DAPK2: variants seen among roughly 807,000 people sequenced by gnomAD.
DAPK2 encodes death associated protein kinase 2.
In DAPK2, 35 loss-of-function variants were observed where a neutral mutation model predicts 44.1. That is an observed-to-expected ratio of 0.79 (90% confidence interval 0.61 to 1.05). DAPK2 has a LOEUF of 1.05. Ranked by LOEUF, DAPK2 falls within the 50% of genes least tolerant of loss-of-function variation. The pLI, the probability that DAPK2 is intolerant of heterozygous loss-of-function variation, is 0.00. For synonymous variants in DAPK2, 174 were observed against 182.6 expected, an observed-to-expected ratio of 0.95 and a Z score of 0.38; for missense variants, 453 against 483.2, an observed-to-expected ratio of 0.94 and a Z score of 0.59.
intron 1 of DAPK2, among the ~76,000 whole-genome samples, chr15:64,038,321 G>C (rs1343415515): frequency 6.6e-6 from 1 of 152,230 alleles, no homozygotes; most frequent in African/African-American, 2.4e-5. Context: ...ACATGGCCAA[G>C]TGAGGGCACT....
At chr15:63,937,135 C>T (rs1447843789) in intron 4 of DAPK2, among the ~76,000 whole-genome samples, 2 of 152,114 alleles carry the variant, frequency 1.3e-5, no homozygotes, top group Non-Finnish European at 2.9e-5. Context: ...ATGGTTATAA[C>T]CTGTTTCTCA....
At chr15:64,037,293 C>T (rs895582397) in intron 1 of DAPK2, among the ~76,000 whole-genome samples, 3 of 152,214 alleles carry the variant, frequency 2.0e-5, no homozygotes, top group Admixed American at 1.3e-4. Flanking sequence ...GGCACTTCCC[C>T]ACTTCAGGGC....
intron 3 of DAPK2, chr15:63,942,187 T>C: frequency 1.0e-6 from 1 of 984,376 alleles, no homozygotes; most frequent in Non-Finnish European, 1.2e-6. Flanking sequence ...GATGGGAGTC[T>C]CCTTCCTCAC....
intron 1 of DAPK2, among the ~76,000 whole-genome samples, chr15:63,991,675 T>G (rs2078824048): frequency 6.6e-6 from 1 of 152,168 alleles, no homozygotes; most frequent in Non-Finnish European, 1.5e-5. Flanking sequence ...GAAGTACTGC[T>G]CTATAGCATG....
chr15:64,024,363 TG>T (rs1394087179), intron 1 of DAPK2, among the ~76,000 whole-genome samples: 3 of 152,122 alleles, frequency 2.0e-5, no homozygotes, highest in Admixed American at 1.3e-4. Context: ...GAGCATGCCC[TG>T]GGGAGGCTCA....
chr15:64,021,194 C>A (rs1478946309), intron 1 of DAPK2, among the ~76,000 whole-genome samples: 1 of 152,212 alleles, frequency 6.6e-6, no homozygotes, highest in Non-Finnish European at 1.5e-5. Context: ...CAGTGGGGTT[C>A]AGTCTCAGTC....
At chr15:64,042,594 T>C (rs73458768), upstream of DAPK2, among the ~76,000 whole-genome samples, 2,898 of 152,314 alleles carry the variant, frequency 0.019, 85 homozygotes, top group African/African-American at 0.067. The surrounding 1 kb of genome is among the most constrained non-coding windows in gnomAD (Gnocchi z 4.7). Flanking sequence ...CCTTGGGCTC[T>C]ATATCCTGGG....
chr15:63,992,161 C>T (rs1460899466), intron 1 of DAPK2, among the ~76,000 whole-genome samples: 1 of 152,170 alleles, frequency 6.6e-6, no homozygotes, highest in African/African-American at 2.4e-5. Context: ...GAGCTCAAGC[C>T]TGCAAGTCTA....
At chr15:63,944,910 C>T (rs981425328) in intron 3 of DAPK2, among the ~76,000 whole-genome samples, 2 of 152,204 alleles carry the variant, frequency 1.3e-5, no homozygotes, top group African/African-American at 2.4e-5. Flanking sequence ...GCAGGGTGGG[C>T]ACTACCACTC....
At position 63,939,350 on chromosome 15, in the gene DAPK2, A is replaced by C. The variant is rs766120131; in HGVS notation, c.465T>G (p.Ile155Met). The C allele has an allele frequency of 1.9e-6, 3 of 1,609,340 alleles. No homozygotes were observed. The South Asian group carries it at 3.3e-5, about 18-fold the overall frequency. The change falls in exon 4 of 11, where the codon ATT becomes ATG. Residue 155 changes from isoleucine to methionine, a missense_variant. Ile to Met is a conservative substitution (Grantham distance 10). Coordinates refer to ENST00000261891, the Ensembl canonical transcript of DAPK2. The surrounding 1 kb of genome is among the most constrained non-coding windows in gnomAD (Gnocchi z 4.3). The stretch of plus-strand genomic sequence containing the variant: ...TGGGAATATTCTTGTCTAACAACAT[A>C]ATGTTTTCTGGCTGGACAACAAAAA...
intron 7 of DAPK2, 115 bp downstream of exon 8, chr15:63,925,826 C>T: frequency 7.3e-7 from 1 of 1,368,816 alleles, no homozygotes; most frequent in Non-Finnish European, 1.0e-6. Context: ...CCGGATTAGA[C>T]CACAACAGTG....
rs2078697405 is a variant in DAPK2, at chr15:63,908,180, C to G, written c.*340G>C. On this transcript the variant is annotated 3_prime_UTR_variant, in exon 11 of 11. Transcript: ENST00000261891. This position sits in a 1 kb window ranked among gnomAD's most constrained non-coding sequence, Gnocchi z 5.7. ...CCCCCTCAGCCTGTGAAGAAGGCTG[C>G]CTTAGTCTGACCTTCACCCCGTGAT... 1 of 176,128 alleles carries G rather than the reference C, an allele frequency of 5.7e-6. No individual in the cohort carries two copies. Among genetic ancestry groups the G allele is most frequent in the Non-Finnish European group, 1.2e-5 (1 of 84,212 alleles). 10.9% of individuals were successfully genotyped at this position (176,128 alleles called of 1,614,324 possible). A position where few individuals can be genotyped will look rare whatever the true frequency, so the allele number is the denominator to read the frequency against.
chr15:63,940,372 C>T (rs1212235833), intron 3 of DAPK2, among the ~76,000 whole-genome samples: 4 of 151,322 alleles, frequency 2.6e-5, no homozygotes, highest in Admixed American at 6.6e-5. Flanking sequence ...CATGTGAATT[C>T]GATTTGGCCA....
Position 63,982,936 on chromosome 15 carries a change from T to C in DAPK2, c.314+597A>G, listed in dbSNP as rs539512190. On this transcript the variant is annotated intron_variant, in intron 2 of 10. Transcript: ENST00000261891. ...CTGCACTAGTAAGACATTTCCCTCA[T>C]CACAGTCTTTAAAGATTGAACAAGA... Among the ~76,000 whole-genome samples, 118 of 152,358 alleles carry C rather than the reference T, an allele frequency of 7.7e-4. 1 individual carries two copies. Among genetic ancestry groups the C allele is most frequent in the Non-Finnish European group, 2.2e-4 (15 of 68,042 alleles).
chr15:63,999,346 C>G (rs1386324475), intron 1 of DAPK2, among the ~76,000 whole-genome samples: 2 of 152,162 alleles, frequency 1.3e-5, no homozygotes, highest in African/African-American at 4.8e-5. Context: ...GTTCTGCCCC[C>G]ACAGCTGCCA....
At chr15:63,928,180 C>G (rs189107559) in intron 6 of DAPK2, 4 of 152,608 alleles carry the variant, frequency 2.6e-5, no homozygotes, top group Non-Finnish European at 5.9e-5. Flanking sequence ...GATACAGATA[C>G]TAAGTCCCTA....
chr15:64,010,105 C>G (rs2079349508), intron 1 of DAPK2, among the ~76,000 whole-genome samples: 1 of 152,158 alleles, frequency 6.6e-6, no homozygotes, highest in Non-Finnish European at 1.5e-5. Context: ...CCAGTAAGAT[C>G]AGGATCATCT....
At chr15:63,965,724 T>A (rs922677376) in intron 3 of DAPK2, among the ~76,000 whole-genome samples, 3 of 152,196 alleles carry the variant, frequency 2.0e-5, no homozygotes, top group African/African-American at 7.2e-5. Context: ...TCTCCCCCCA[T>A]GGCCCCCACT....
chr15:63,931,704 G>A (rs1252034700), intron 4 of DAPK2, among the ~76,000 whole-genome samples: 1 of 152,194 alleles, frequency 6.6e-6, no homozygotes, highest in Non-Finnish European at 1.5e-5. Context: ...CCATGTACAG[G>A]AAGGAGCAGG....
Sources: gnomAD v4.1 joint callset for allele counts (sites outside exome capture counted in the v4.1 genomes callset) on GRCh38, gnomAD v4.1.1 for gene constraint, Gnocchi (gnomAD v3.1) non-coding constraint, MANE v1.5 for transcripts, NCBI Gene and HGNC (gene_info 2026-07-23, HGNC 2026-07-21) for gene names.